Variants in CMTR1 observed in about 807,000 individuals in gnomAD.
The protein encoded by CMTR1 is cap methyltransferase 1.
Under a neutral mutation model 107.0 loss-of-function variants are expected in CMTR1, and 39 were observed. The observed-to-expected ratio is 0.36, with a 90% CI of 0.28 to 0.48. The LOEUF (loss-of-function observed/expected upper bound fraction) is 0.48, where lower values mean the gene tolerates loss of function less well. Among genes scored for constraint, CMTR1 ranks in the 20% least tolerant of loss-of-function variants. The pLI is 0.99. For synonymous variants in CMTR1, 366 were observed against 379.5 expected (o/e 0.96, Z 0.41); for missense variants, 672 against 1,064.9 (o/e 0.63, Z 5.14).
At chr6:37,449,318 T>TTATG (rs2113871062) in intron 4 of CMTR1, among the ~76,000 whole-genome samples, 1 of 30,664 alleles carries the variant, frequency 3.3e-5, no homozygotes, top group East Asian at 7.1e-4. Context: ...GTTATGTTAT[T>TTATG]TTGTTTTCAA....
At chr6:37,474,855 CAGA>C (rs1761705933) in intron 18 of CMTR1, among the ~76,000 whole-genome samples, 1 of 152,242 alleles carries the variant, frequency 6.6e-6, no homozygotes, top group South Asian at 2.1e-4. Context: ...CTCCGTGCGT[CAGA>C]GGAGACCTCG....
At chr6:37,433,572 T>A (rs941130225) in intron 1 of CMTR1, among the ~76,000 whole-genome samples, 195 bp downstream of exon 1, 1 of 152,206 alleles carries the variant, frequency 6.6e-6, no homozygotes, top group Admixed American at 6.5e-5. Context: ...GACACACGTC[T>A]CTGCGCACAC....
At chr6:37,473,383 C>G (rs1354171408) in intron 16 of CMTR1, 87 bp from the exon 17 acceptor site, 1 of 1,465,812 alleles carries the variant, frequency 6.8e-7, no homozygotes, top group African/African-American at 1.4e-5. Flanking sequence ...TGTCCCTTGC[C>G]TTGTCGAGCC....
intron 18 of CMTR1, 87 bp from the exon 19 acceptor site, chr6:37,475,234 A>G (rs750937060): frequency 9.7e-7 from 1 of 1,034,162 alleles, no homozygotes; most frequent in Non-Finnish European, 1.5e-6. Context: ...AGCTGTAGGC[A>G]GAATGGAGCC....
intron 10 of CMTR1, among the ~76,000 whole-genome samples, chr6:37,459,912 C>T (rs1052329951): frequency 3.3e-5 from 5 of 152,170 alleles, no homozygotes; most frequent in African/African-American, 9.7e-5. Flanking sequence ...TGGTGTTGCT[C>T]CTGGTGGAGG....
chr6:37,462,527 TCTC>T (rs1761420759), intron 12 of CMTR1, among the ~76,000 whole-genome samples: 1 of 152,182 alleles, frequency 6.6e-6, no homozygotes, highest in South Asian at 2.1e-4. Flanking sequence ...TTCTGGGCCT[TCTC>T]CTGGGAGAGT....
At chr6:37,455,907 A>T in intron 8 of CMTR1, among the ~76,000 whole-genome samples, 1 of 152,254 alleles carries the variant, frequency 6.6e-6, no homozygotes, top group Admixed American at 6.5e-5. Context: ...TAACTGAGCA[A>T]GCTCAAGCTT....
At chr6:37,477,862 G>A (rs1191370502) in intron 21 of CMTR1, among the ~76,000 whole-genome samples, 2 of 152,220 alleles carry the variant, frequency 1.3e-5, no homozygotes, top group Non-Finnish European at 2.9e-5. Context: ...CAGGCGGGCT[G>A]TGTCAGGCAG....
chr6:37,454,399 G>A (rs1198418148), intron 8 of CMTR1, among the ~76,000 whole-genome samples: 2 of 152,174 alleles, frequency 1.3e-5, no homozygotes, highest in African/African-American at 4.8e-5. Context: ...TCCAGTACCA[G>A]CAGGCAGCAC....
chr6:37,427,782 T>G, the CMTR1 span, among the ~76,000 whole-genome samples: 1 of 152,186 alleles, frequency 6.6e-6, no homozygotes, highest in Non-Finnish European at 1.5e-5. The surrounding 1 kb of genome is among the most constrained non-coding windows in gnomAD (Gnocchi z 4.4). Flanking sequence ...TGATGAATTC[T>G]CTTAGTTTTT....
rs1340360090 is a variant in CMTR1, at chr6:37,475,352, A to G, written c.1976A>G (p.His659Arg). The change falls in exon 19 of 24, where the codon CAC becomes CGC. Residue 659 changes from histidine (H) to arginine (R), a missense_variant. This residue lies in a region of CMTR1 where 583 missense variants were observed against 968.4 expected (regional missense o/e 0.60). Coordinates refer to ENST00000373451, the MANE Select transcript of CMTR1 (RefSeq NM_015050.3). Reference protein sequence around the residue: ...GKAQRKISAIHILDVLVLNGT... With the variant: ...GKAQRKISAIRILDVLVLNGT... ...GCCCAGAGGAAGATCAGTGCCATCC[A>G]CATCCTCGATGTCCTTGTGCTGAAT... The G allele has an allele frequency of 6.2e-7, 1 of 1,613,748 alleles. No individual in the cohort carries two copies. Among genetic ancestry groups the G allele is most frequent in the Non-Finnish European group, 8.5e-7 (1 of 1,179,910 alleles).
intron 13 of CMTR1, among the ~76,000 whole-genome samples, chr6:37,470,128 ACCT>A (rs1761592007): frequency 3.3e-5 from 5 of 149,510 alleles, no homozygotes; most frequent in Admixed American, 2.7e-4. Context: ...GAAAATCTTC[ACCT>A]TTTTATATAT....
chr6:37,441,957 A>G (rs971377052), intron 2 of CMTR1, among the ~76,000 whole-genome samples: 7 of 152,236 alleles, frequency 4.6e-5, no homozygotes, highest in African/African-American at 1.7e-4. Flanking sequence ...TGTGCCTCTC[A>G]TACAGGGACA....
chr6:37,460,641 C>T (rs1055306468), intron 10 of CMTR1, among the ~76,000 whole-genome samples: 4 of 152,016 alleles, frequency 2.6e-5, no homozygotes, highest in African/African-American at 9.7e-5. Flanking sequence ...GCTATCACTT[C>T]TGTAGAACTG....
At chr6:37,432,770 G>A (rs1323885218), upstream of CMTR1, among the ~76,000 whole-genome samples, 1 of 152,190 alleles carries the variant, frequency 6.6e-6, no homozygotes, top group Non-Finnish European at 1.5e-5. Context: ...AGCCAACTGT[G>A]CCCATATGGT....
intron 12 of CMTR1, 133 bp from the exon 13 acceptor site, chr6:37,462,693 GTGT>G (rs1240305270): frequency 9.5e-6 from 7 of 739,496 alleles, no homozygotes; most frequent in Non-Finnish European, 1.4e-5. Flanking sequence ...CAAAGGGTCT[GTGT>G]TGTTCTTTGT....
chr6:37,469,102 T>C (rs900240562), intron 13 of CMTR1, among the ~76,000 whole-genome samples: 2 of 151,894 alleles, frequency 1.3e-5, no homozygotes, highest in African/African-American at 4.8e-5. Flanking sequence ...GCCACTGCAC[T>C]CCAGCCTGGG....
rs777775667 is a variant in CMTR1, at chr6:37,462,913, G to A, written c.1410G>A (p.Leu470=). The A allele has an allele frequency of 6.2e-7, 1 of 1,614,198 alleles. No individual in the cohort carries two copies. Among genetic ancestry groups the A allele is most frequent in the Non-Finnish European group, 8.5e-7 (1 of 1,180,036 alleles). The change falls in exon 13 of 24, where the codon CTG becomes CTA. Residue 470 remains leucine, a synonymous_variant. Transcript: ENST00000373451. ...CAGTGAATATTAAACTCAATCAGCT[G>A]CGGAACACGGATTCCGACGTCAACT... is the stretch of plus-strand genomic sequence containing the variant. The part of the protein sequence containing the change: ...LFAVNIKLNQ[L]RNTDSDVNLV...
In CMTR1 at chr6:37,451,148, A is replaced by T. The variant is rs1007062154; in HGVS notation, c.538-658A>T. ...TTAAACTGAATTTAAAAATATTTTT[A>T]AAATCTGTTTTGATTTTTAATAATA... is the stretch of plus-strand genomic sequence containing the variant. On this transcript the variant is annotated intron_variant, in intron 5 of 23. Transcript: ENST00000373451. Among the ~76,000 whole-genome samples the T allele has an allele frequency of 2.0e-5, 3 of 152,256 alleles. 1 individual carries two copies. In the South Asian group the frequency reaches 6.2e-4, roughly 32 times the overall value.
Sources: gnomAD v4.1 joint callset for allele counts (sites outside exome capture counted in the v4.1 genomes callset) on GRCh38, gnomAD v4.1.1 for gene constraint, gnomAD v4.1.1 regional missense constraint, Gnocchi (gnomAD v3.1) non-coding constraint, MANE v1.5 for transcripts, NCBI Gene and HGNC (gene_info 2026-07-23, HGNC 2026-07-21) for gene names.